VTI1A: variants seen among roughly 807,000 people sequenced by gnomAD.
The protein encoded by VTI1A is vesicle transport through interaction with t-SNAREs 1A, also known as vesicle transport through interaction with t-SNAREs homolog 1A.
VTI1A carries 22 observed loss-of-function variants against 34.9 expected under a neutral mutation model. The observed-to-expected ratio is 0.63, with a 90% CI of 0.45 to 0.90. The LOEUF is 0.90. VTI1A is among the 40% of genes least tolerant of loss of function. VTI1A has a pLI of 0.00. For synonymous variants in VTI1A, 87 were observed against 97.3 expected, an observed-to-expected ratio of 0.89 and a Z score of 0.62; for missense variants, 268 against 275.6, an observed-to-expected ratio of 0.97 and a Z score of 0.20.
chr10:112,606,422 C>T (rs950120912), intron 5 of VTI1A, among the ~76,000 whole-genome samples: 2 of 152,168 alleles, frequency 1.3e-5, no homozygotes, highest in African/African-American at 4.8e-5. Flanking sequence ...AATTCCATAA[C>T]CAGCATCCTT....
rs769864673 is a variant in VTI1A, at chr10:112,460,510, ATTGT to A, written c.95-7_95-4del. On this transcript the variant is annotated splice_polypyrimidine_tract_variant and intron_variant, in intron 1 of 7. Transcript: ENST00000393077. The stretch of plus-strand genomic sequence containing the variant: ...GTATCTTTAGCAATTTCTTGGTATT[ATTGT>A]TTGTTTCAGATGAAAAGAAACAGAT... 7 of 1,592,748 alleles carry A rather than the reference ATTGT, an allele frequency of 4.4e-6. No homozygotes were observed. The highest frequency in any genetic ancestry group is 2.2e-5 in the East Asian group (1 of 44,484).
chr10:112,617,771 T>C (rs904078465), intron 5 of VTI1A, among the ~76,000 whole-genome samples: 1 of 152,218 alleles, frequency 6.6e-6, no homozygotes, highest in Admixed American at 6.5e-5. Flanking sequence ...ATCACTTGTA[T>C]TTCTATTTAA....
At chr10:112,851,874 A>C in the VTI1A span, among the ~76,000 whole-genome samples, 1 of 152,322 alleles carries the variant, frequency 6.6e-6, no homozygotes, top group East Asian at 1.9e-4. Context: ...AACCTCAGTG[A>C]AATTACACTG....
chr10:112,813,126 C>A (rs1378676993), intron 7 of VTI1A, among the ~76,000 whole-genome samples: 1 of 152,200 alleles, frequency 6.6e-6, no homozygotes, highest in African/African-American at 2.4e-5. Flanking sequence ...CCCTTGGAAG[C>A]AACAGAGCGG....
At chr10:112,701,271 T>G (rs1039738739) in intron 7 of VTI1A, among the ~76,000 whole-genome samples, 1 of 152,222 alleles carries the variant, frequency 6.6e-6, no homozygotes, top group African/African-American at 2.4e-5. Context: ...ACTAGACCAT[T>G]TAAACACAGA....
intron 5 of VTI1A, among the ~76,000 whole-genome samples, chr10:112,661,325 A>G (rs1427608021): frequency 6.6e-6 from 1 of 152,238 alleles, no homozygotes; most frequent in Non-Finnish European, 1.5e-5. Flanking sequence ...CATGTTGGCC[A>G]GGCTGATCCA....
chr10:112,472,807 T>C (rs1346108085), intron 3 of VTI1A, among the ~76,000 whole-genome samples: 1 of 152,166 alleles, frequency 6.6e-6, no homozygotes, highest in Non-Finnish European at 1.5e-5. Flanking sequence ...AAGTGCATTC[T>C]AAAAAGAAAT....
chr10:112,805,165 C>T (rs2134078859), intron 7 of VTI1A, among the ~76,000 whole-genome samples: 1 of 152,232 alleles, frequency 6.6e-6, no homozygotes, highest in Non-Finnish European at 1.5e-5. Flanking sequence ...CTGTGCCCAG[C>T]CAGTAGCTTT....
In VTI1A at chr10:112,593,583, G is replaced by A. The variant is rs949719356; in HGVS notation, c.427+55253G>A. On this transcript the variant is annotated intron_variant, in intron 5 of 7. Transcript: ENST00000393077. Reference sequence around the variant, plus strand: ...TCATATGGAAAGTTTAGGGAAAATAGAAAAGCACACAGAAAAAAATCAAAA... The same window carrying A: ...TCATATGGAAAGTTTAGGGAAAATAAAAAAGCACACAGAAAAAAATCAAAA... 3.3e-5 allele frequency among the ~76,000 whole-genome samples: 5 copies of A among 152,080 alleles called. 1 individual carries two copies. Among genetic ancestry groups the A allele is most frequent in the African/African-American group, 1.2e-4 (5 of 41,404 alleles).
chr10:112,752,813 A>G (rs946939408), intron 7 of VTI1A, among the ~76,000 whole-genome samples: 1 of 152,168 alleles, frequency 6.6e-6, no homozygotes, highest in African/African-American at 2.4e-5. Flanking sequence ...CATTGGGGTT[A>G]CAGTGGCTTG....
At chr10:112,687,454 C>T (rs889118283) in intron 7 of VTI1A, among the ~76,000 whole-genome samples, 1 of 151,378 alleles carries the variant, frequency 6.6e-6, no homozygotes, top group Non-Finnish European at 1.5e-5. Context: ...AGGATGGTCT[C>T]GATCTCCTGA....
chr10:112,447,379 G>A lies in VTI1A; in HGVS notation c.6G>A (p.Ser2=), dbSNP rs774942511. ...CTACTCGTTCCGGAGCCGCCATGTCGTCCGACTTCGAAGGTTACGAGCAGG... is the reference window on the plus strand; with the variant it reads ...CTACTCGTTCCGGAGCCGCCATGTCATCCGACTTCGAAGGTTACGAGCAGG... M[S]SDFEGYEQDF... is the part of the protein sequence containing the mutation. The change falls in exon 1 of 8, where the codon TCG becomes TCA. Residue 2 remains serine (S), a synonymous_variant. Coordinates refer to ENST00000393077, the MANE Select transcript of VTI1A (RefSeq NM_145206.4). 8 of 1,613,258 alleles carry A rather than the reference G, an allele frequency of 5.0e-6. No homozygotes were observed. The highest frequency in any genetic ancestry group is 1.7e-5 in the Admixed American group (1 of 59,998).
chr10:112,616,539 T>C (rs1357420179), intron 5 of VTI1A, among the ~76,000 whole-genome samples: 1 of 151,972 alleles, frequency 6.6e-6, no homozygotes, highest in Non-Finnish European at 1.5e-5. Context: ...TTAAAAAGAT[T>C]TACCAAACAT....
intron 5 of VTI1A, among the ~76,000 whole-genome samples, chr10:112,553,204 C>G (rs1398488335): frequency 1.3e-5 from 2 of 152,350 alleles, no homozygotes; most frequent in African/African-American, 2.4e-5. Context: ...CAGGTCACCT[C>G]TCTTTCACCT....
the VTI1A span, among the ~76,000 whole-genome samples, chr10:112,850,595 G>C: frequency 4.6e-5 from 7 of 152,120 alleles, no homozygotes; most frequent in African/African-American, 1.7e-4. Flanking sequence ...AGTTTCTGCA[G>C]AGCACCTTCT....
chr10:112,790,764 G>GTTT (rs56892510), intron 7 of VTI1A, among the ~76,000 whole-genome samples: 125 of 142,360 alleles, frequency 8.8e-4, no homozygotes, highest in African/African-American at 2.8e-3. Flanking sequence ...ACTAAAAGAC[G>GTTT]TTTTTTTTTT....
intron 7 of VTI1A, among the ~76,000 whole-genome samples, chr10:112,724,997 A>G (rs1849965422): frequency 6.6e-6 from 1 of 152,176 alleles, no homozygotes; most frequent in South Asian, 2.1e-4. Flanking sequence ...ACCTGTAAAT[A>G]TTTCAGTATG....
At chr10:112,627,080 C>G (rs1246494039) in intron 5 of VTI1A, among the ~76,000 whole-genome samples, 1 of 152,218 alleles carries the variant, frequency 6.6e-6, no homozygotes, top group East Asian at 1.9e-4. Context: ...ATTCAGTCTT[C>G]CCTGTCTCAG....
At chr10:112,597,650 A>G (rs1290699948) in intron 5 of VTI1A, among the ~76,000 whole-genome samples, 2 of 147,978 alleles carry the variant, frequency 1.4e-5, no homozygotes, top group African/African-American at 5.0e-5. Context: ...ACCTGTGAAT[A>G]GCCATTGCAC....
Sources: allele counts gnomAD v4.1 joint callset (sites outside exome capture counted in the v4.1 genomes callset), GRCh38; gene constraint gnomAD v4.1.1; transcripts MANE v1.5; gene names NCBI Gene and HGNC (gene_info 2026-07-23, HGNC 2026-07-21).